The following CHAF1B variants were observed in gnomAD, a reference collection of about 807,000 sequenced individuals.
CHAF1B encodes the protein chromatin assembly factor 1 subunit B.
CHAF1B carries 10 observed loss-of-function variants against 60.7 expected under a neutral mutation model. That is an observed-to-expected ratio of 0.16 (90% CI 0.10 to 0.28). CHAF1B has a LOEUF of 0.28. Ranked by LOEUF, CHAF1B falls within the 10% of genes least tolerant of loss-of-function variation. The pLI, the probability that CHAF1B is intolerant of heterozygous loss-of-function variation, is 1.00. For missense variants in CHAF1B, 558 were observed against 708.4 expected (o/e 0.79, Z 2.41); for synonymous variants, 261 against 266.1 (o/e 0.98, Z 0.19).
intron 3 of CHAF1B, among the ~76,000 whole-genome samples, chr21:36,389,800 T>TGTGTGTGTGTGTGCGCGCGCGCGCGCGC: frequency 1.6e-5 from 2 of 124,800 alleles, no homozygotes; most frequent in Admixed American, 7.6e-5. Context: ...TGTGTGTGTG[T>TGTGTGTGTGTGTGCGCGCGCGCGCGCGC]GCGCGCGCAC....
At chr21:36,399,279 A>G (rs922428830) in intron 6 of CHAF1B, among the ~76,000 whole-genome samples, 1 of 151,148 alleles carries the variant, frequency 6.6e-6, no homozygotes, top group East Asian at 1.9e-4. Flanking sequence ...CAAGTGATTC[A>G]CCCGCCTCTG....
At chr21:36,407,320 A>C (rs962459953) in intron 8 of CHAF1B, among the ~76,000 whole-genome samples, 1 of 151,100 alleles carries the variant, frequency 6.6e-6, no homozygotes, top group Admixed American at 6.6e-5. Flanking sequence ...AAAAAAAAGT[A>C]TATGTTCAAG....
intron 3 of CHAF1B, among the ~76,000 whole-genome samples, chr21:36,390,180 A>C (rs781548594): frequency 6.6e-6 from 1 of 151,898 alleles, no homozygotes; most frequent in Non-Finnish European, 1.5e-5. Context: ...CTAAAAATAC[A>C]AAATTAGCTG....
rs759822351 is a variant in CHAF1B, at chr21:36,413,172, C to T, written c.1350C>T (p.Pro450=). The change falls in exon 12 of 14, where the codon CCC becomes CCT. Residue 450 remains proline (P), a synonymous_variant. Transcript: ENST00000314103. ...APAPTVIRDP[P]SITPAVKSPL... Reference sequence around the variant, plus strand: ...CCCCAACAGTCATCAGGGACCCTCCCTCCATCACTCCTGCTGTCAAAAGCC... The same window carrying T: ...CCCCAACAGTCATCAGGGACCCTCCTTCCATCACTCCTGCTGTCAAAAGCC... The T allele has an allele frequency of 5.0e-6, 8 of 1,614,058 alleles. No individual in the cohort carries two copies. In the East Asian group the frequency reaches 6.7e-5, roughly 13 times the overall value.
At chr21:36,395,658 GA>G (rs2086132115) in intron 5 of CHAF1B, among the ~76,000 whole-genome samples, 1 of 152,218 alleles carries the variant, frequency 6.6e-6, no homozygotes, top group East Asian at 1.9e-4. Flanking sequence ...TTCCATTTTA[GA>G]AGATCAAGGA....
At chr21:36,404,331 C>T (rs1409338184) in intron 8 of CHAF1B, among the ~76,000 whole-genome samples, 1 of 150,712 alleles carries the variant, frequency 6.6e-6, no homozygotes, top group African/African-American at 2.4e-5. Context: ...AAACTCCTGA[C>T]CTTGTGATCC....
chr21:36,399,939 G>A (rs2086173505), intron 7 of CHAF1B, among the ~76,000 whole-genome samples: 2 of 152,192 alleles, frequency 1.3e-5, no homozygotes, highest in African/African-American at 2.4e-5. Context: ...AGCACTTTGG[G>A]AGACTGAGGT....
In CHAF1B at chr21:36,385,470, G is replaced by A. The variant is rs917242050; in HGVS notation, c.-78+19G>A. ...CCTCCAGGTACGGCTTCCCTGGCCC[G>A]GGCAGCTCCGCGGCTCTTTTGGTCG... is the stretch of plus-strand genomic sequence containing the variant. On this transcript the variant is annotated intron_variant, in intron 1 of 13. Coordinates refer to ENST00000314103, the MANE Select transcript of CHAF1B (RefSeq NM_005441.3). 9 of 151,974 alleles carry A rather than the reference G, an allele frequency of 5.9e-5. No homozygotes were observed. The highest frequency in any genetic ancestry group is 2.6e-4 in the Admixed American group (4 of 15,270). 9.4% of individuals were successfully genotyped at this position (151,974 alleles called of 1,614,324 possible).
At chr21:36,389,445 A>G (rs763686705) in intron 3 of CHAF1B, among the ~76,000 whole-genome samples, 5 of 151,980 alleles carry the variant, frequency 3.3e-5, no homozygotes, top group Non-Finnish European at 7.4e-5. Context: ...ATCTCTACTA[A>G]AAATACAAAA....
rs747426782 is a variant in CHAF1B at position 36,387,720 on chromosome 21, G to A, written c.249G>A (p.Ser83=). Residue 83 remains serine (S), a synonymous_variant, in exon 3 of 14, where the codon TCG becomes TCA. Transcript: ENST00000314103. ...CTCCAACTGGGGAAATTTTAGCATCGGGAGGAGATGGTGAGTATTGCTGTC... is the reference window on the plus strand; with the variant it reads ...CTCCAACTGGGGAAATTTTAGCATCAGGAGGAGATGGTGAGTATTGCTGTC... ...RFSPTGEILA[S]GGDDAVILLW... The A allele has an allele frequency of 7.4e-6, 12 of 1,613,998 alleles. No individual in the cohort carries two copies. Among genetic ancestry groups the A allele is most frequent in the East Asian group, 4.5e-5 (2 of 44,898 alleles).
Position 36,387,765 on chromosome 21 carries a change from A to G in CHAF1B, c.259+35A>G, listed in dbSNP as rs1307011683. The G allele has an allele frequency of 4.3e-6, 7 of 1,611,462 alleles. No individual in the cohort carries two copies. The Admixed American group carries it at 1.2e-4, about 27-fold the overall frequency. On this transcript the variant is annotated intron_variant, in intron 3 of 13. Transcript: ENST00000314103. ...GCTGTCCTTCAGAGATTCTTCGGGA[A>G]CCAGATAGATACCTGTGTGTCTTGT...
chr21:36,386,089 A>G lies in CHAF1B; in HGVS notation c.-48A>G. 6.2e-7 allele frequency: 1 copy of G among 1,611,002 alleles called. No individual in the cohort carries two copies. The highest frequency in any genetic ancestry group is 8.5e-7 in the Non-Finnish European group (1 of 1,178,078). ...TTGCAGCTTTCTCCTGTCTTGAAGA[A>G]GTAGAACGGTGCCCGAGAAACGTTT... On this transcript the variant is annotated 5_prime_UTR_variant, in exon 2 of 14. Transcript: ENST00000314103.
Position 36,386,229 on chromosome 21 carries a change from A to C in CHAF1B, c.93A>C (p.Arg31Ser), listed in dbSNP as rs747848592. 1 of 1,614,204 alleles carries C rather than the reference A, an allele frequency of 6.2e-7. No individual in the cohort carries two copies. The highest frequency in any genetic ancestry group is 1.1e-5 in the South Asian group (1 of 91,080). The change falls in exon 2 of 14, where the codon AGA becomes AGC. Residue 31 changes from arginine to serine, a missense_variant. Coordinates refer to ENST00000314103, the MANE Select transcript of CHAF1B (RefSeq NM_005441.3). ...ATGGGACGGCTGGGAGGATCCACAG[A>C]CTGGCGTCTGCCGGCGTGGACACCA... ...FQHGTAGRIHRLASAGVDTNV... is the reference protein window; with the variant it reads ...FQHGTAGRIHSLASAGVDTNV...
chr21:36,387,518 G>T, intron 2 of CHAF1B, 80 bp from the exon 3 acceptor site: 1 of 1,547,468 alleles, frequency 6.5e-7, no homozygotes. Context: ...ACCACACCCA[G>T]CCCATAGTAT....
rs560094756 is a variant in CHAF1B, at chr21:36,416,278, C to T, written c.1592C>T (p.Thr531Met). 61 of 1,612,228 alleles carry T rather than the reference C, an allele frequency of 3.8e-5. No individual in the cohort carries two copies. The highest frequency in any genetic ancestry group is 2.0e-4 in the African/African-American group (15 of 74,856). ...TPSTEEIQSE[T>M]PGDAQGSPPE... is the part of the protein sequence containing the mutation. ...CTTATGTTTGTTAATGTTGCAGAGA[C>T]GCCTGGAGACGCTCAGGGCAGTCCC... Residue 531 changes from threonine to methionine, a missense_variant, in exon 14 of 14, where the codon ACG becomes ATG. By Grantham distance (81) the Thr-to-Met change is moderately conservative. Around this residue, in one of 2 missense-constraint regions of CHAF1B, gnomAD observed 233 missense variants for 214.9 expected, o/e 1.08. Coordinates refer to ENST00000314103, the MANE Select transcript of CHAF1B (RefSeq NM_005441.3).
Position 36,416,582 on chromosome 21 carries a change from G to T in CHAF1B, c.*216G>T. 1 of 434,554 alleles carries T rather than the reference G, an allele frequency of 2.3e-6. No individual in the cohort carries two copies. Among genetic ancestry groups the T allele is most frequent in the East Asian group, 3.3e-5 (1 of 30,212 alleles). 26.9% of individuals were successfully genotyped at this position (434,554 alleles called of 1,614,324 possible). A position where few individuals can be genotyped will look rare whatever the true frequency, so the allele number is the denominator to read the frequency against. ...TAACTTGGGACATGAACGTTTTAAC[G>T]TAGTAAATCCTCTTTTTGATGAGTT... On this transcript the variant is annotated 3_prime_UTR_variant, in exon 14 of 14. Coordinates refer to ENST00000314103, the MANE Select transcript of CHAF1B (RefSeq NM_005441.3).
intron 6 of CHAF1B, 27 bp from the exon 7 acceptor site, chr21:36,399,494 G>T: frequency 6.3e-7 from 1 of 1,577,460 alleles, no homozygotes; most frequent in African/African-American, 1.3e-5. Context: ...TACTAGAAGT[G>T]GTAAATCAGA....
intron 3 of CHAF1B, among the ~76,000 whole-genome samples, chr21:36,390,725 G>C (rs1332817320): frequency 6.6e-6 from 1 of 152,142 alleles, no homozygotes; most frequent in African/African-American, 2.4e-5. Context: ...GCAAGATCAG[G>C]ACTCACTGCA....
At chr21:36,386,300 T>A in intron 2 of CHAF1B, 38 bp downstream of exon 2, 1 of 1,605,550 alleles carries the variant, frequency 6.2e-7, no homozygotes, top group Non-Finnish European at 8.5e-7. Flanking sequence ...GGAACACTGC[T>A]TGAAGCAATA....
Sources: gnomAD v4.1 joint callset for allele counts (sites outside exome capture counted in the v4.1 genomes callset) on GRCh38, gnomAD v4.1.1 for gene constraint, gnomAD v4.1.1 regional missense constraint, MANE v1.5 for transcripts, NCBI Gene and HGNC (gene_info 2026-07-23, HGNC 2026-07-21) for gene names.